CHRM3: variants seen among roughly 807,000 people sequenced by gnomAD.
The protein encoded by CHRM3 is muscarinic acetylcholine receptor M3.
CHRM3 carries 11 observed loss-of-function variants against 41.8 expected under a neutral mutation model. The ratio of observed to expected loss-of-function variants is 0.26; its 90% CI spans 0.17 to 0.44. CHRM3 has a LOEUF of 0.44. CHRM3 is among the 20% of genes least tolerant of loss of function. The pLI, the probability that CHRM3 is intolerant of heterozygous loss-of-function variation, is 1.00. For synonymous variants in CHRM3, 297 were observed against 301.4 expected (o/e 0.99, Z 0.15); for missense variants, 571 against 745.4 (o/e 0.77, Z 2.72).
At chr1:239,726,272 G>A (rs1638605581) in intron 5 of CHRM3, among the ~76,000 whole-genome samples, 2 of 151,914 alleles carry the variant, frequency 1.3e-5, no homozygotes, top group African/African-American at 4.8e-5. Flanking sequence ...GTGAGTCTGT[G>A]TAGGTTTTAC....
At chr1:239,441,088 G>A (rs1371376013) in intron 1 of CHRM3, among the ~76,000 whole-genome samples, 1 of 152,166 alleles carries the variant, frequency 6.6e-6, no homozygotes, top group Non-Finnish European at 1.5e-5. Flanking sequence ...TCTCCTCATA[G>A]TGATTATTAA....
At chr1:239,507,432 C>G (rs549870983) in intron 2 of CHRM3, among the ~76,000 whole-genome samples, 9 of 152,310 alleles carry the variant, frequency 5.9e-5, no homozygotes, top group African/African-American at 1.7e-4. Context: ...ATGCCTCCAC[C>G]TTCTACCATG....
intron 3 of CHRM3, among the ~76,000 whole-genome samples, chr1:239,577,539 C>T (rs915205776): frequency 2.0e-5 from 3 of 152,160 alleles, no homozygotes; most frequent in Non-Finnish European, 2.9e-5. Context: ...CACTACCATG[C>T]ACTGTCCCCT....
intron 5 of CHRM3, among the ~76,000 whole-genome samples, chr1:239,688,488 C>G (rs1659373828): frequency 7.3e-6 from 1 of 137,698 alleles, no homozygotes; most frequent in African/African-American, 2.7e-5. Context: ...ATTCAATATA[C>G]TATAATATAT....
At chr1:239,874,299 A>ATATCTATATACACAG (rs1553291944) in intron 6 of CHRM3, among the ~76,000 whole-genome samples, 4 of 116,702 alleles carry the variant, frequency 3.4e-5, no homozygotes, top group Non-Finnish European at 5.0e-5. Flanking sequence ...ATATATATAT[A>ATATCTATATACACAG]TATATATATA....
intron 3 of CHRM3, among the ~76,000 whole-genome samples, chr1:239,606,510 G>T (rs924786074): frequency 7.2e-5 from 11 of 152,248 alleles, no homozygotes; most frequent in African/African-American, 2.2e-4. Flanking sequence ...TCCTGACCTT[G>T]GGATCTGCCC....
intron 6 of CHRM3, among the ~76,000 whole-genome samples, chr1:239,895,022 C>T (rs902651756): frequency 6.6e-6 from 1 of 152,200 alleles, no homozygotes; most frequent in Non-Finnish European, 1.5e-5. Flanking sequence ...AGAACAATTA[C>T]AAAACAATTT....
chr1:239,726,992 C>T (rs762106193), intron 5 of CHRM3, among the ~76,000 whole-genome samples: 43 of 151,926 alleles, frequency 2.8e-4, no homozygotes, highest in Non-Finnish European at 4.6e-4. Flanking sequence ...GTTACTGGGT[C>T]CACCACTCAC....
At chr1:239,514,172 T>C (rs1049269710) in intron 2 of CHRM3, among the ~76,000 whole-genome samples, 2 of 152,154 alleles carry the variant, frequency 1.3e-5, no homozygotes, top group African/African-American at 4.8e-5. Flanking sequence ...TTATAAAATA[T>C]CTTGCTGGGA....
At chr1:239,905,406 G>A (rs1679894765) in intron 6 of CHRM3, among the ~76,000 whole-genome samples, 1 of 152,100 alleles carries the variant, frequency 6.6e-6, no homozygotes. Context: ...GGTTATTTAA[G>A]GATTAAATGA....
At chr1:239,788,913 T>C (rs1225251306) in intron 5 of CHRM3, among the ~76,000 whole-genome samples, 1 of 152,270 alleles carries the variant, frequency 6.6e-6, no homozygotes, top group Non-Finnish European at 1.5e-5. Flanking sequence ...ATTTAATGTG[T>C]ATTAGTTATA....
chr1:239,576,291 C>T (rs540444575), intron 3 of CHRM3, among the ~76,000 whole-genome samples: 3 of 151,886 alleles, frequency 2.0e-5, no homozygotes, highest in African/African-American at 2.4e-5. Context: ...CCCCAGGGAT[C>T]GTAAGTTAAT....
At chr1:239,636,257 T>C (rs1295279684) in intron 4 of CHRM3, among the ~76,000 whole-genome samples, 1 of 152,248 alleles carries the variant, frequency 6.6e-6, no homozygotes, top group Non-Finnish European at 1.5e-5. Context: ...TTTATGGGCA[T>C]GATAATATTC....
At chr1:239,478,371 T>G (rs948747877) in intron 1 of CHRM3, among the ~76,000 whole-genome samples, 4 of 152,090 alleles carry the variant, frequency 2.6e-5, no homozygotes, top group African/African-American at 9.7e-5. Flanking sequence ...AAATAGACAC[T>G]AACAAAATGT....
chr1:239,390,563 A>G (rs1658937633), intron 1 of CHRM3, among the ~76,000 whole-genome samples: 1 of 150,658 alleles, frequency 6.6e-6, no homozygotes, highest in South Asian at 2.1e-4. Context: ...CCCACCCTCC[A>G]CGGAGAGGGT....
chr1:239,795,915 C>T (rs993065848), intron 5 of CHRM3, among the ~76,000 whole-genome samples: 1 of 152,130 alleles, frequency 6.6e-6, no homozygotes, highest in Non-Finnish European at 1.5e-5. Flanking sequence ...ACTATCATTT[C>T]CACAAGGATA....
intron 6 of CHRM3, among the ~76,000 whole-genome samples, chr1:239,873,678 A>G (rs1468031002): frequency 3.9e-5 from 6 of 152,124 alleles, no homozygotes; most frequent in African/African-American, 7.2e-5. Flanking sequence ...TTTTCAGGTG[A>G]CAGTCAAAAC....
At chr1:239,775,536 A>G (rs1668022709) in intron 5 of CHRM3, among the ~76,000 whole-genome samples, 1 of 152,238 alleles carries the variant, frequency 6.6e-6, no homozygotes, top group African/African-American at 2.4e-5. Context: ...GTACTCTAAG[A>G]ACTTCCAAAA....
At chr1:239,858,563 A>G (rs1675315203) in intron 6 of CHRM3, among the ~76,000 whole-genome samples, 1 of 151,766 alleles carries the variant, frequency 6.6e-6, no homozygotes, top group African/African-American at 2.4e-5. Flanking sequence ...GCCTCTTACA[A>G]TTTGGGTTTT....
Sources: allele counts gnomAD v4.1 joint callset (sites outside exome capture counted in the v4.1 genomes callset), GRCh38; gene constraint gnomAD v4.1.1; transcripts MANE v1.5; gene names NCBI Gene and HGNC (gene_info 2026-07-23, HGNC 2026-07-21).